GLIS2: variants seen among roughly 807,000 people sequenced by gnomAD.
GLIS2 encodes zinc finger protein GLIS2.
A neutral mutation model predicts 35.6 loss-of-function variants in GLIS2; 14 were observed. The observed-to-expected ratio is 0.39, with a 90% CI of 0.26 to 0.61. GLIS2 has a LOEUF of 0.61. Among genes scored for constraint, GLIS2 ranks in the 20% least tolerant of loss-of-function variants. The pLI, the probability that GLIS2 is intolerant of heterozygous loss-of-function variation, is 0.48. For synonymous variants in GLIS2, 368 were observed against 325.1 expected (o/e 1.13, Z -1.42); for missense variants, 675 against 713.4 (o/e 0.95, Z 0.61).
intron 1 of GLIS2, among the ~76,000 whole-genome samples, chr16:4,324,932 A>G (rs2053414805): frequency 6.6e-6 from 1 of 152,150 alleles, no homozygotes; most frequent in Admixed American, 6.5e-5. Context: ...CCCTGAGAGG[A>G]CGAGCCCTCC....
rs752036048 is a variant in GLIS2 at position 4,337,269 on chromosome 16, C to T, written c.1320C>T (p.Gly440=). The T allele has an allele frequency of 7.6e-5, 117 of 1,549,628 alleles. No homozygotes were observed. The highest frequency in any genetic ancestry group is 9.2e-5 in the Non-Finnish European group (106 of 1,148,062). The change falls in exon 7 of 7, where the codon GGC becomes GGT. Residue 440 remains glycine (G), a synonymous_variant. Coordinates refer to ENST00000433375, the MANE Select transcript of GLIS2 (RefSeq NM_032575.3). The stretch of plus-strand genomic sequence containing the variant: ...CCCTCCTTGCTGGCGCAGCTGGTGG[C>T]AAGGCCGAGGGGGAGAAGGGGCGTG... ...VVSLLAGAAG[G]KAEGEKGRGS...
intron 1 of GLIS2, among the ~76,000 whole-genome samples, chr16:4,316,716 G>C (rs967279654): frequency 2.6e-5 from 4 of 152,244 alleles, no homozygotes; most frequent in South Asian, 4.1e-4. Flanking sequence ...TCCCTTGGCC[G>C]GGAGAGTCTC....
rs372924066 is a variant in GLIS2, at chr16:4,335,414, G to T, written c.775+21G>T. The stretch of plus-strand genomic sequence containing the variant: ...CACAGGTAAGAGGCCGGGGCCGGGC[G>T]GCTTGGCCCATGAAGGGGGCGCTCA... On this transcript the variant is annotated intron_variant, in intron 6 of 6. Coordinates refer to ENST00000433375, the MANE Select transcript of GLIS2 (RefSeq NM_032575.3). This position sits in a 1 kb window ranked among gnomAD's most constrained non-coding sequence, Gnocchi z 4.6. 1.2e-6 allele frequency: 2 copies of T among 1,611,230 alleles called. No individual in the cohort carries two copies. Among genetic ancestry groups the T allele is most frequent in the African/African-American group, 2.7e-5 (2 of 74,896 alleles).
intron 1 of GLIS2, among the ~76,000 whole-genome samples, chr16:4,329,934 G>C (rs1490898449): frequency 6.6e-6 from 1 of 152,160 alleles, no homozygotes; most frequent in Admixed American, 6.5e-5. Context: ...ATGAAGTGTT[G>C]ACCTTGTTCT....
At chr16:4,333,972 T>C (rs1596240959) in intron 3 of GLIS2, among the ~76,000 whole-genome samples, 1 of 145,496 alleles carries the variant, frequency 6.9e-6, no homozygotes, top group Admixed American at 6.7e-5. Context: ...GACAGAGTCT[T>C]GCTTCATTGC....
At chr16:4,316,316 G>A (rs866597187) in intron 1 of GLIS2, among the ~76,000 whole-genome samples, 62 bp downstream of exon 1, 2 of 106,172 alleles carry the variant, frequency 1.9e-5, no homozygotes, top group Non-Finnish European at 3.9e-5. Flanking sequence ...GGGGGGGCCC[G>A]CCTGTCGCGC....
At position 4,330,696 on chromosome 16, in the gene GLIS2, G is replaced by A. The variant is rs142932483; in HGVS notation, c.-66-1519G>A. ...TTGGGGTCAAACAGGGCGGGAGTCC[G>A]GAGCATGGCTCCTGCTCTGTCAGAA... On this transcript the variant is annotated intron_variant, in intron 1 of 6. Coordinates refer to ENST00000433375, the MANE Select transcript of GLIS2 (RefSeq NM_032575.3). Among the ~76,000 whole-genome samples the A allele has an allele frequency of 3.3e-3, 509 of 152,344 alleles. 2 individuals are homozygous for A. The highest frequency in any genetic ancestry group is 5.8e-3 in the Non-Finnish European group (392 of 68,036).
At position 4,335,023 on chromosome 16, in the gene GLIS2, C is replaced by T. The variant is rs1345196337; in HGVS notation, c.523-37C>T. On this transcript the variant is annotated intron_variant, in intron 4 of 6. Transcript: ENST00000433375. This position sits in a 1 kb window ranked among gnomAD's most constrained non-coding sequence, Gnocchi z 4.6. ...GTAGTGTGGAGTCTGGGGCAGGTCA[C>T]CCCGCATGGGCTCAGAACACTTCCC... 2 of 1,613,272 alleles carry T rather than the reference C, an allele frequency of 1.2e-6. No homozygotes were observed. Among genetic ancestry groups the T allele is most frequent in the East Asian group, 2.2e-5 (1 of 44,886 alleles).
At chr16:4,315,895 T>TGGGA (rs1170161778), upstream of GLIS2, among the ~76,000 whole-genome samples, 7 of 147,048 alleles carry the variant, frequency 4.8e-5, no homozygotes, top group African/African-American at 1.7e-4. Context: ...GGGGTTTTGC[T>TGGGA]GGGAGGGAGG....
In GLIS2 at chr16:4,338,760, G is replaced by A. The variant is rs547413313; in HGVS notation, c.*1236G>A. On this transcript the variant is annotated 3_prime_UTR_variant, in exon 7 of 7. Coordinates refer to ENST00000433375, the MANE Select transcript of GLIS2 (RefSeq NM_032575.3). ...GTTCTGTGCCACTCAGAGGGACCCT[G>A]GCAGGGGCCAGAACCACTTAAGGGT... The A allele has an allele frequency of 6.6e-6, 1 of 152,562 alleles. No homozygotes were observed. Among genetic ancestry groups the A allele is most frequent in the South Asian group, 2.1e-4 (1 of 4,832 alleles). The allele number at this position is 152,562 out of a possible 1,614,324, so 9.5% of individuals were successfully genotyped here. A position where few individuals can be genotyped will look rare whatever the true frequency, so the allele number is the denominator to read the frequency against.
At chr16:4,336,390 G>C (rs2053551685) in intron 6 of GLIS2, 1 of 501,826 alleles carries the variant, frequency 2.0e-6, no homozygotes, top group South Asian at 2.1e-5. Context: ...CAAGTGATCT[G>C]CCTGCCTTGG....
Position 4,337,340 on chromosome 16 carries a change from C to T in GLIS2, c.1391C>T (p.Pro464Leu). Reference sequence around the variant, plus strand: ...CTGGGCATGGAGGGCCACAAGACGCCCCTTGAAAGGACGGAGAGCAGCTGC... The same window carrying T: ...CTGGGCATGGAGGGCCACAAGACGCTCCTTGAAAGGACGGAGAGCAGCTGC... ...RALGMEGHKTPLERTESSCSR... is the reference protein window; with the variant it reads ...RALGMEGHKTLLERTESSCSR... Residue 464 changes from proline (P) to leucine (L), a missense_variant, in exon 7 of 7, where the codon CCC becomes CTC. Coordinates refer to ENST00000433375, the MANE Select transcript of GLIS2 (RefSeq NM_032575.3). The T allele has an allele frequency of 6.3e-7, 1 of 1,588,634 alleles. No homozygotes were observed. The highest frequency in any genetic ancestry group is 1.1e-5 in the South Asian group (1 of 87,444).
At chr16:4,334,550 T>TTA (rs2053529964) in intron 3 of GLIS2, among the ~76,000 whole-genome samples, 1 of 151,804 alleles carries the variant, frequency 6.6e-6, no homozygotes, top group South Asian at 2.1e-4. Context: ...ATATTTTTTT[T>TTA]AATTAAGAAA....
Position 4,336,941 on chromosome 16 carries a change from T to C in GLIS2, c.992T>C (p.Leu331Pro). ...VSHEQQELLQLRPPPKPPLPA... is the reference protein window; with the variant it reads ...VSHEQQELLQPRPPPKPPLPA... ...CACGAGCAGCAAGAGCTCCTGCAGC[T>C]GCGCCCACCCCCCAAGCCGCCACTG... Residue 331 changes from leucine to proline, a missense_variant, in exon 7 of 7, where the codon CTG becomes CCG. Transcript: ENST00000433375. 1 of 1,611,566 alleles carries C rather than the reference T, an allele frequency of 6.2e-7. No homozygotes were observed. Among genetic ancestry groups the C allele is most frequent in the Non-Finnish European group, 8.5e-7 (1 of 1,179,652 alleles).
At chr16:4,321,664 C>T (rs755366203) in intron 1 of GLIS2, among the ~76,000 whole-genome samples, 3 of 152,118 alleles carry the variant, frequency 2.0e-5, no homozygotes, top group Admixed American at 1.3e-4. Context: ...GGGTGGGCTC[C>T]GTGCCAGGGG....
chr16:4,324,548 C>T (rs923097567), intron 1 of GLIS2: 1 of 152,510 alleles, frequency 6.6e-6, no homozygotes, highest in African/African-American at 2.4e-5. Context: ...TCTCCTGGTT[C>T]AGGGTGAGAC....
intron 1 of GLIS2, chr16:4,325,482 G>A (rs2053420682): frequency 6.6e-6 from 1 of 152,320 alleles, no homozygotes; most frequent in South Asian, 2.1e-4. Flanking sequence ...GCCTGGGCTG[G>A]ATGCCTCCCC....
chr16:4,317,213 G>C (rs1308502150), intron 1 of GLIS2, among the ~76,000 whole-genome samples: 1 of 152,168 alleles, frequency 6.6e-6, no homozygotes, highest in Non-Finnish European at 1.5e-5. Flanking sequence ...GGGGCCCTGG[G>C]CCCCCAGCCA....
intron 1 of GLIS2, among the ~76,000 whole-genome samples, chr16:4,322,717 G>A (rs1332850615): frequency 6.6e-6 from 1 of 151,572 alleles, no homozygotes; most frequent in East Asian, 1.9e-4. Flanking sequence ...ATGCATGAAT[G>A]CGTGGTTGGA....
Sources: gnomAD v4.1 joint callset for allele counts (sites outside exome capture counted in the v4.1 genomes callset) on GRCh38, gnomAD v4.1.1 for gene constraint, Gnocchi (gnomAD v3.1) non-coding constraint, MANE v1.5 for transcripts, NCBI Gene and HGNC (gene_info 2026-07-23, HGNC 2026-07-21) for gene names.